MGAM: variants seen among roughly 807,000 people sequenced by gnomAD.
MGAM encodes alpha-1,4-glucosidase.
MGAM carries 253 observed loss-of-function variants against 358.8 expected under a neutral mutation model. The ratio of observed to expected loss-of-function variants is 0.71; its 90% CI spans 0.64 to 0.78. The LOEUF is 0.78. Ranked by LOEUF, MGAM falls within the 30% of genes least tolerant of loss-of-function variation. The pLI, the probability that MGAM is intolerant of heterozygous loss-of-function variation, is 0.00. For synonymous variants in MGAM, 1,105 were observed against 1,227.1 expected (o/e 0.90, Z 2.08); for missense variants, 3,080 against 3,432.6 (o/e 0.90, Z 2.57).
intron 47 of MGAM, 84 bp from the exon 48 acceptor site, chr7:142,078,234 A>G: frequency 9.3e-7 from 1 of 1,070,344 alleles, no homozygotes. Flanking sequence ...TGTTTTTCCA[A>G]AATAAATAAA....
At chr7:142,100,558 C>T (rs1417060243) in intron 67 of MGAM, among the ~76,000 whole-genome samples, 2 of 152,202 alleles carry the variant, frequency 1.3e-5, no homozygotes, top group African/African-American at 2.4e-5. Flanking sequence ...GTCTGGTTGT[C>T]ATTATTTTAA....
rs200374214 is a variant in MGAM, at chr7:142,103,368, G to A, written c.8113G>A (p.Val2705Ile). ...IEIWGVGSVP[V>I]TSVSISVSGM... ...AATCTGGGGAGTGGGCAGTGTCCCC[G>A]TTACCAGTGTCAGCATCTCTGTGAG... The change falls in exon 70 of 71, where the codon GTT (valine) becomes ATT (isoleucine). Residue 2705 changes from valine (V) to isoleucine (I), a missense_variant. Around this residue, in one of 5 missense-constraint regions of MGAM, gnomAD observed 194 missense variants for 172.8 expected, o/e 1.12. Transcript: ENST00000475668. The A allele has an allele frequency of 1.8e-4, 288 of 1,612,928 alleles. No individual in the cohort carries two copies. Among genetic ancestry groups the A allele is most frequent in the Admixed American group, 9.0e-4 (54 of 59,878 alleles).
chr7:142,036,410 A>G lies in MGAM; in HGVS notation c.2076+125A>G, dbSNP rs186495722. ...CTGGTCTTCACTTACTCTAATTTGCACTATCATGTGCAATTAACCAGAATC... is the reference window on the plus strand; with the variant it reads ...CTGGTCTTCACTTACTCTAATTTGCGCTATCATGTGCAATTAACCAGAATC... On this transcript the variant is annotated intron_variant, in intron 17 of 70. Transcript: ENST00000475668. 138 of 739,650 alleles carry G rather than the reference A, an allele frequency of 1.9e-4. No individual in the cohort carries two copies. The East Asian group carries it at 2.7e-3, about 15-fold the overall frequency. The allele number at this position is 739,650 out of a possible 1,614,324, so 45.8% of individuals were successfully genotyped here. A position where few individuals can be genotyped will look rare whatever the true frequency, so the allele number is the denominator to read the frequency against.
chr7:142,013,339 A>T (rs975044702), intron 3 of MGAM, among the ~76,000 whole-genome samples: 6 of 152,016 alleles, frequency 3.9e-5, no homozygotes, highest in African/African-American at 1.5e-4. Context: ...GATGCCACTG[A>T]CTCACTCAAG....
chr7:142,100,974 C>G, intron 68 of MGAM, 84 bp downstream of exon 68: 1 of 1,217,962 alleles, frequency 8.2e-7, no homozygotes, highest in Non-Finnish European at 1.2e-6. Context: ...CACCTTTTCC[C>G]TATTATAACA....
At chr7:141,986,859 C>G (rs1294351) in intron 2 of MGAM, among the ~76,000 whole-genome samples, 32,273 of 152,074 alleles carry the variant, frequency 0.21, 4,551 homozygotes, top group East Asian at 0.43. Context: ...TGTGTACCCT[C>G]ATCTAAAAAA....
rs571398250 is a variant in MGAM at position 142,035,919 on chromosome 7, C to T, written c.1960-250C>T. On this transcript the variant is annotated intron_variant, in intron 16 of 70. Coordinates refer to ENST00000475668, the MANE Select transcript of MGAM (RefSeq NM_001365693.1). ...TTACTTTTATTACCTCATTCATTTA[C>T]GAAATACCTGTGTAGTAATTTAGTA... Among the ~76,000 whole-genome samples the T allele has an allele frequency of 2.2e-4, 34 of 152,190 alleles. 1 individual carries two copies. In the South Asian group the frequency reaches 2.5e-3, roughly 11 times the overall value.
At position 142,073,679 on chromosome 7, in the gene MGAM, G is replaced by A. The variant is rs538623669; in HGVS notation, c.5187-406G>A. Among the ~76,000 whole-genome samples the A allele has an allele frequency of 3.4e-5, 5 of 146,348 alleles. 2 individuals carry two copies. Among genetic ancestry groups the A allele is most frequent in the African/African-American group, 1.2e-4 (5 of 41,296 alleles). On this transcript the variant is annotated intron_variant, in intron 44 of 70. Coordinates refer to ENST00000475668, the MANE Select transcript of MGAM (RefSeq NM_001365693.1). ...GAGTATAAATGGTCCTTAGGCAGGC[G>A]AAAATGTATCTTCCTCACAGCACTG...
chr7:142,031,826 A>G, intron 13 of MGAM, 33 bp downstream of exon 13: 1 of 1,401,102 alleles, frequency 7.1e-7, no homozygotes, highest in Non-Finnish European at 1.0e-6. Context: ...ATTAGGTGAC[A>G]AATATTCAAA....
rs1425215962 is a variant in MGAM at position 142,085,079 on chromosome 7, C to T, written c.6507+435C>T. On this transcript the variant is annotated intron_variant, in intron 54 of 70. Coordinates refer to ENST00000475668, the MANE Select transcript of MGAM (RefSeq NM_001365693.1). ...AGTTCCCGCAGCCCTGGTGCTGTAG[C>T]ACAGTGTCCCATGAGCTCTGAGCTA... Among the ~76,000 whole-genome samples the T allele has an allele frequency of 1.4e-5, 2 of 146,614 alleles. 1 individual carries two copies. The highest frequency in any genetic ancestry group is 3.1e-5 in the Non-Finnish European group (2 of 64,766).
In MGAM at chr7:142,044,203, T is replaced by C. The variant is rs1232677478; in HGVS notation, c.2498+3357T>C. Among the ~76,000 whole-genome samples, 41 of 135,298 alleles carry C rather than the reference T, an allele frequency of 3.0e-4. 7 individuals carry two copies. The highest frequency in any genetic ancestry group is 1.0e-3 in the African/African-American group (40 of 39,030). 88.8% of individuals were successfully genotyped at this position (135,298 alleles called of 152,430 possible). On this transcript the variant is annotated intron_variant, in intron 21 of 70. Transcript: ENST00000475668. ...CACATACGACATATAATATATAATA[T>C]ATACATTATATACACATACGACATA...
At chr7:142,034,065 G>A (rs1352536174) in intron 14 of MGAM, among the ~76,000 whole-genome samples, 197 bp from the exon 15 acceptor site, 1 of 152,194 alleles carries the variant, frequency 6.6e-6, no homozygotes, top group Non-Finnish European at 1.5e-5. Flanking sequence ...GGATGTGTGT[G>A]GGTCAGCAGA....
chr7:142,042,195 T>G lies in MGAM; in HGVS notation c.2498+1349T>G. 3.4e-3 allele frequency among the ~76,000 whole-genome samples: 3 copies of G among 876 alleles called. 1 individual carries two copies. Among genetic ancestry groups the G allele is most frequent in the Non-Finnish European group, 4.5e-3 (3 of 664 alleles). 0.6% of individuals were successfully genotyped at this position (876 alleles called of 152,430 possible). A position where few individuals can be genotyped will look rare whatever the true frequency, so the allele number is the denominator to read the frequency against. ...TAATATATAACATATTATATATACA[T>G]ATAATATATAACATATTATATATAC... On this transcript the variant is annotated intron_variant, in intron 21 of 70. Transcript: ENST00000475668.
intron 57 of MGAM, among the ~76,000 whole-genome samples, chr7:142,088,250 T>C (rs781375441): frequency 6.8e-6 from 1 of 146,234 alleles, no homozygotes; most frequent in African/African-American, 2.4e-5. Flanking sequence ...ACCAGGCTGC[T>C]TGGCTATTGG....
At chr7:142,017,307 C>A (rs1488686323) in intron 3 of MGAM, among the ~76,000 whole-genome samples, 3 of 152,116 alleles carry the variant, frequency 2.0e-5, no homozygotes, top group Admixed American at 6.5e-5. Context: ...GGGCCTAATT[C>A]TTTTTGTGTG....
In MGAM at chr7:142,013,586, C is replaced by T. The variant is rs149748869; in HGVS notation, c.327+4881C>T. On this transcript the variant is annotated intron_variant, in intron 3 of 70. Coordinates refer to ENST00000475668, the MANE Select transcript of MGAM (RefSeq NM_001365693.1). ...GTGGAAAGACATAGGGAATTACTTT[C>T]GAGAAAGTTTCTAGTTGATAATTGA... Among the ~76,000 whole-genome samples the T allele has an allele frequency of 2.7e-3, 408 of 152,190 alleles. 1 individual carries two copies. Among genetic ancestry groups the T allele is most frequent in the Non-Finnish European group, 4.4e-3 (302 of 68,006 alleles).
intron 1 of MGAM, among the ~76,000 whole-genome samples, chr7:141,998,846 T>A (rs956589567): frequency 1.3e-5 from 2 of 152,180 alleles, no homozygotes; most frequent in Non-Finnish European, 2.9e-5. Flanking sequence ...TCTTCCACAA[T>A]GCTTGAACTA....
chr7:142,074,392 G>C (rs183550334), intron 45 of MGAM, among the ~76,000 whole-genome samples: 2 of 142,550 alleles, frequency 1.4e-5, no homozygotes, highest in Non-Finnish European at 3.1e-5. Context: ...TCTCCCATTC[G>C]CCAGTGATAC....
chr7:142,105,603 A>C (rs535650173), intron 70 of MGAM, among the ~76,000 whole-genome samples: 1 of 152,224 alleles, frequency 6.6e-6, no homozygotes. Flanking sequence ...TGAATTATTT[A>C]AAGGCCCATC....
Sources: allele counts gnomAD v4.1 joint callset (sites outside exome capture counted in the v4.1 genomes callset), GRCh38; gene constraint gnomAD v4.1.1; regional missense constraint gnomAD v4.1.1; transcripts MANE v1.5; gene names NCBI Gene and HGNC (gene_info 2026-07-23, HGNC 2026-07-21).